The following STK33 variants were observed in gnomAD, a reference collection of about 807,000 sequenced individuals.
The protein encoded by STK33 is serine/threonine kinase 33, also known as serine/threonine-protein kinase 33.
In STK33, 52 loss-of-function variants were observed where a neutral mutation model predicts 58.0. The ratio of observed to expected loss-of-function variants is 0.90; its 90% CI spans 0.72 to 1.13. The LOEUF (loss-of-function observed/expected upper bound fraction) is 1.13. Ranked by LOEUF, STK33 falls within the 50% of genes most tolerant of loss-of-function variation. The pLI, the probability that STK33 is intolerant of heterozygous loss-of-function variation, is 0.00. For synonymous variants in STK33, 215 were observed against 200.1 expected, an observed-to-expected ratio of 1.07 and a Z score of -0.63; for missense variants, 630 against 604.2, an observed-to-expected ratio of 1.04 and a Z score of -0.45.
intron 1 of STK33, among the ~76,000 whole-genome samples, chr11:8,556,675 T>C (rs1335787279): frequency 1.3e-5 from 2 of 152,214 alleles, no homozygotes; most frequent in East Asian, 1.9e-4. Context: ...ACTTTCTTCA[T>C]AGCACTTATC....
chr11:8,547,163 G>A lies in STK33; in HGVS notation c.-466+46920C>T, dbSNP rs118191107. Reference sequence around the variant, plus strand: ...GATTTGCATTTCCCTTATGATTAGCGATAAGAATTTTTTCATATAGAGTTG... The same window carrying A: ...GATTTGCATTTCCCTTATGATTAGCAATAAGAATTTTTTCATATAGAGTTG... On this transcript the variant is annotated intron_variant, in intron 1 of 15. Transcript: ENST00000687296. Among the ~76,000 whole-genome samples, 101 of 152,198 alleles carry A rather than the reference G, an allele frequency of 6.6e-4. No individual in the cohort carries two copies. The East Asian group carries it at 0.018, about 27-fold the overall frequency.
At chr11:8,364,948 A>G in the STK33 span, among the ~76,000 whole-genome samples, 1 of 137,926 alleles carries the variant, frequency 7.3e-6, no homozygotes, top group Non-Finnish European at 1.6e-5. Flanking sequence ...GCCCCGCCCA[A>G]GCAAATCCCT....
intron 12 of STK33, among the ~76,000 whole-genome samples, chr11:8,440,456 C>A (rs557369361): frequency 2.8e-4 from 43 of 151,982 alleles, no homozygotes; most frequent in Non-Finnish European, 1.9e-4. Flanking sequence ...ATTTATAGAT[C>A]AATGAAAACC....
Position 8,464,961 on chromosome 11 carries a change from T to C in STK33, c.340-139A>G. ...AAAATCAAATAGAAGACACTATATA[T>C]TTGCTTCAATATTAATAAACACATC... On this transcript the variant is annotated intron_variant, in intron 6 of 15. Transcript: ENST00000687296. 3 of 514,434 alleles carry C rather than the reference T, an allele frequency of 5.8e-6. No individual in the cohort carries two copies. In the South Asian group the frequency reaches 1.1e-4, roughly 19 times the overall value. 31.9% of individuals were successfully genotyped at this position (514,434 alleles called of 1,614,324 possible).
chr11:8,565,086 G>A (rs922778905), intron 1 of STK33, among the ~76,000 whole-genome samples: 1 of 152,130 alleles, frequency 6.6e-6, no homozygotes, highest in African/African-American at 2.4e-5. Context: ...ATCTCCGGGA[G>A]TGTCATTTAT....
At chr11:8,470,557 G>C (rs1228196113) in intron 6 of STK33, among the ~76,000 whole-genome samples, 1 of 152,130 alleles carries the variant, frequency 6.6e-6, no homozygotes, top group African/African-American at 2.4e-5. Flanking sequence ...TGGTTAAATG[G>C]TGCAAGAGGC....
At chr11:8,586,053 C>CA (rs140829720) in intron 1 of STK33, among the ~76,000 whole-genome samples, 5,822 of 151,414 alleles carry the variant, frequency 0.038, 163 homozygotes, top group Middle Eastern at 0.088. Flanking sequence ...AACTCCATCT[C>CA]AAAAAACAAA....
At position 8,547,433 on chromosome 11, in the gene STK33, C is replaced by T. The variant is rs529628869; in HGVS notation, c.-466+46650G>A. 3.9e-5 allele frequency among the ~76,000 whole-genome samples: 6 copies of T among 152,262 alleles called. No individual in the cohort carries two copies. In the South Asian group the frequency reaches 6.2e-4, roughly 16 times the overall value. On this transcript the variant is annotated intron_variant, in intron 1 of 15. Coordinates refer to ENST00000687296, the MANE Select transcript of STK33 (RefSeq NM_001352389.2). ...TTCACCATGTTGACCAGGCTGGTCT[C>T]GAACTCCTGACCTCAGGTGATCTGC...
chr11:8,341,829 G>A, the STK33 span, among the ~76,000 whole-genome samples: 1 of 152,226 alleles, frequency 6.6e-6, no homozygotes, highest in African/African-American at 2.4e-5. Flanking sequence ...TAAATAGAGT[G>A]TAAATTGCTA....
intron 1 of STK33, among the ~76,000 whole-genome samples, chr11:8,577,426 T>C (rs9284150): frequency 0.6 from 91,642 of 151,936 alleles, 27,943 homozygotes; most frequent in African/African-American, 0.66. Context: ...GCCTAGATGA[T>C]TTTTCATACA....
At chr11:8,395,796 C>T (rs1163723348) in intron 15 of STK33, among the ~76,000 whole-genome samples, 1 of 152,158 alleles carries the variant, frequency 6.6e-6, no homozygotes, top group African/African-American at 2.4e-5. Flanking sequence ...AGTTTTTCTA[C>T]AGGATATATA....
At chr11:8,513,824 AT>A (rs1450759768) in intron 1 of STK33, among the ~76,000 whole-genome samples, 1 of 152,162 alleles carries the variant, frequency 6.6e-6, no homozygotes, top group African/African-American at 2.4e-5. Flanking sequence ...AAACAATTCA[AT>A]TATACTCTTT....
At chr11:8,388,611 C>T (rs1027401433), downstream of STK33, among the ~76,000 whole-genome samples, 1 of 152,186 alleles carries the variant, frequency 6.6e-6, no homozygotes, top group African/African-American at 2.4e-5. Context: ...GAAGCGAACA[C>T]GAAGCCCAGG....
At chr11:8,397,644 T>C (rs1564847324) in intron 15 of STK33, among the ~76,000 whole-genome samples, 1 of 152,020 alleles carries the variant, frequency 6.6e-6, no homozygotes, top group Non-Finnish European at 1.5e-5. Context: ...AAGAAGGCTT[T>C]AGATGATCAA....
At chr11:8,582,479 C>T (rs1591900677) in intron 1 of STK33, among the ~76,000 whole-genome samples, 2 of 152,152 alleles carry the variant, frequency 1.3e-5, no homozygotes, top group African/African-American at 2.4e-5. Context: ...GGGAAGCAGA[C>T]ACTTTCTTCA....
At chr11:8,567,972 T>C (rs1410523012) in intron 1 of STK33, among the ~76,000 whole-genome samples, 1 of 152,176 alleles carries the variant, frequency 6.6e-6, no homozygotes, top group Non-Finnish European at 1.5e-5. Context: ...AATGCCTCCC[T>C]ACAAAGTTAA....
At chr11:8,451,351 G>A (rs1946250925) in intron 11 of STK33, among the ~76,000 whole-genome samples, 1 of 152,156 alleles carries the variant, frequency 6.6e-6, no homozygotes, top group East Asian at 1.9e-4. Context: ...TCAGGGGTAA[G>A]TAGATAAACA....
the STK33 span, among the ~76,000 whole-genome samples, chr11:8,355,146 A>G: frequency 6.6e-6 from 1 of 152,354 alleles, no homozygotes; most frequent in East Asian, 1.9e-4. Context: ...ACTTTCCCAC[A>G]GAGACCCTTC....
At chr11:8,507,231 C>T (rs1828827128) in intron 1 of STK33, among the ~76,000 whole-genome samples, 1 of 152,200 alleles carries the variant, frequency 6.6e-6, no homozygotes, top group Non-Finnish European at 1.5e-5. Context: ...GCCTAGCTCA[C>T]TGCTCTTGAT....
Sources: gnomAD v4.1 joint callset for allele counts (sites outside exome capture counted in the v4.1 genomes callset) on GRCh38, gnomAD v4.1.1 for gene constraint, MANE v1.5 for transcripts, NCBI Gene and HGNC (gene_info 2026-07-23, HGNC 2026-07-21) for gene names.